BEND6: variants seen among roughly 807,000 people sequenced by gnomAD.
The protein encoded by BEND6 is BEN domain-containing protein 6.
Under a neutral mutation model 31.8 loss-of-function variants are expected in BEND6, and 24 were observed. The ratio of observed to expected loss-of-function variants is 0.75; its 90% CI spans 0.55 to 1.06. The LOEUF is 1.06. BEND6 is among the 50% of genes least tolerant of loss of function. BEND6 has a pLI of 0.00. For missense variants in BEND6, 294 were observed against 327.4 expected, an observed-to-expected ratio of 0.90 and a Z score of 0.79; for synonymous variants, 109 against 114.6, an observed-to-expected ratio of 0.95 and a Z score of 0.31.
chr6:56,997,628 A>G (rs762525453), intron 3 of BEND6, among the ~76,000 whole-genome samples: 1 of 152,164 alleles, frequency 6.6e-6, no homozygotes, highest in Non-Finnish European at 1.5e-5. Context: ...ATCTCGGCTC[A>G]CTGCAAGCTC....
intron 1 of BEND6, among the ~76,000 whole-genome samples, chr6:56,966,302 A>G (rs1219282546): frequency 1.3e-5 from 2 of 152,006 alleles, no homozygotes; most frequent in African/African-American, 4.8e-5. Context: ...AAGTTTCACC[A>G]TGTTGTCCAG....
intron 3 of BEND6, among the ~76,000 whole-genome samples, chr6:57,004,061 A>G (rs1827055666): frequency 1.3e-5 from 2 of 152,190 alleles, no homozygotes; most frequent in Non-Finnish European, 2.9e-5. Flanking sequence ...ACAAACCCAC[A>G]GCCAACATAA....
At chr6:56,988,043 G>A (rs1826347474) in intron 2 of BEND6, among the ~76,000 whole-genome samples, 3 of 144,450 alleles carry the variant, frequency 2.1e-5, no homozygotes, top group African/African-American at 7.7e-5. Flanking sequence ...TTGAGACAGA[G>A]TCTTGCTCTG....
chr6:56,969,810 A>G (rs1825626424), intron 1 of BEND6, among the ~76,000 whole-genome samples: 1 of 152,108 alleles, frequency 6.6e-6, no homozygotes, highest in African/African-American at 2.4e-5. Context: ...AAAATTAAAC[A>G]TAAATGCATT....
chr6:57,000,586 CA>C lies in BEND6; in HGVS notation c.298+8043del, dbSNP rs373150482. 3.4e-3 allele frequency among the ~76,000 whole-genome samples: 428 copies of C among 125,266 alleles called. 3 individuals carry two copies. In the East Asian group the frequency reaches 0.039, roughly 11 times the overall value. 82.2% of individuals were successfully genotyped at this position (125,266 alleles called of 152,430 possible). A position where few individuals can be genotyped will look rare whatever the true frequency, so the allele number is the denominator to read the frequency against. ...GATCAATAAATACTAAAAAAACAAACAAAAAAAAAAAACCATAAATAACAAG... is the reference window on the plus strand; with the variant it reads ...GATCAATAAATACTAAAAAAACAAACAAAAAAAAAAACCATAAATAACAAG... On this transcript the variant is annotated intron_variant, in intron 3 of 6. Coordinates refer to ENST00000370746, the MANE Select transcript of BEND6 (RefSeq NM_152731.3).
At chr6:56,970,317 C>G (rs1825649273) in intron 1 of BEND6, among the ~76,000 whole-genome samples, 1 of 152,080 alleles carries the variant, frequency 6.6e-6, no homozygotes, top group Non-Finnish European at 1.5e-5. Flanking sequence ...GCCTCAGCCT[C>G]CCCAGTAGCT....
intron 3 of BEND6, among the ~76,000 whole-genome samples, chr6:57,003,909 A>G (rs1827047149): frequency 6.6e-6 from 1 of 152,222 alleles, no homozygotes; most frequent in Admixed American, 6.5e-5. Flanking sequence ...TACCACATAA[A>G]CAAAATTAAA....
intron 6 of BEND6, among the ~76,000 whole-genome samples, chr6:57,022,708 T>C (rs1160723258): frequency 1.3e-5 from 2 of 151,882 alleles, no homozygotes; most frequent in Non-Finnish European, 2.9e-5. Flanking sequence ...TCTAGTTCTT[T>C]GAGGTACACC....
intron 1 of BEND6, among the ~76,000 whole-genome samples, chr6:56,967,881 C>T (rs1036788062): frequency 2.6e-5 from 4 of 152,232 alleles, no homozygotes; most frequent in African/African-American, 7.2e-5. Context: ...CCACCGTGGA[C>T]CTCAGCTCCC....
rs1010073324 is a variant in BEND6 at position 56,955,210 on chromosome 6, C to T, written c.-351C>T. On this transcript the variant is annotated 5_prime_UTR_variant, in exon 1 of 7. Transcript: ENST00000370746. ...CGGGCCTGAGAGCCCAGCGCCCTCC[C>T]GCGGGGCCGCCCGCCAGTCCGCGCC... 1.3e-5 allele frequency: 2 copies of T among 151,604 alleles called. No homozygotes were observed. Among genetic ancestry groups the T allele is most frequent in the Non-Finnish European group, 2.9e-5 (2 of 67,842 alleles). The allele number at this position is 151,604 out of a possible 1,614,324, so 9.4% of individuals were successfully genotyped here.
intron 1 of BEND6, among the ~76,000 whole-genome samples, chr6:56,963,903 ATAT>A (rs1342021546): frequency 3.4e-5 from 5 of 147,878 alleles, no homozygotes; most frequent in East Asian, 1.9e-4. Context: ...TATAATTACA[ATAT>A]TAATAATATA....
intron 1 of BEND6, among the ~76,000 whole-genome samples, chr6:56,972,287 GTTTCCCCAC>G (rs893964809): frequency 2.6e-5 from 4 of 151,724 alleles, no homozygotes; most frequent in Admixed American, 2.6e-4. Flanking sequence ...TAGAAATGGA[GTTTCCCCAC>G]TTTGGCCAGG....
chr6:57,004,470 C>G (rs993040378), intron 3 of BEND6: 6 of 635,078 alleles, frequency 9.4e-6, no homozygotes, highest in African/African-American at 9.0e-5. Context: ...GCCTCCTCAC[C>G]GCGCCCTGGG....
intron 1 of BEND6, among the ~76,000 whole-genome samples, chr6:56,975,431 T>A (rs1273370465): frequency 1.3e-5 from 2 of 152,152 alleles, no homozygotes; most frequent in Non-Finnish European, 2.9e-5. Context: ...TCTTTGATAT[T>A]AAGAAGAAAT....
intron 4 of BEND6, among the ~76,000 whole-genome samples, chr6:57,016,765 T>A (rs923610865): frequency 1.3e-5 from 2 of 152,182 alleles, no homozygotes; most frequent in Non-Finnish European, 2.9e-5. Flanking sequence ...TCCAGGATAA[T>A]CTCCCATCTC....
intron 2 of BEND6, among the ~76,000 whole-genome samples, chr6:56,989,664 T>C (rs2127860368): frequency 6.6e-6 from 1 of 152,330 alleles, no homozygotes; most frequent in Non-Finnish European, 1.5e-5. Flanking sequence ...CTTTTTATCA[T>C]GTTGATCTTC....
chr6:57,011,731 A>AAG lies in BEND6; in HGVS notation c.299-3401_299-3400insGA, dbSNP rs1206069722. On this transcript the variant is annotated intron_variant, in intron 3 of 6. Transcript: ENST00000370746. ...GCCCTGTCTCAAAAAAAAAAAAAAAAAAAAGAAAAAAAAAGAAAAGAAAAG... is the reference window on the plus strand; with the variant it reads ...GCCCTGTCTCAAAAAAAAAAAAAAAAAGAAAAGAAAAAAAAAGAAAAGAAAAG... Among the ~76,000 whole-genome samples, 1,384 of 146,996 alleles carry AAG rather than the reference A, an allele frequency of 9.4e-3. 29 individuals carry two copies. The highest frequency in any genetic ancestry group is 0.033 in the African/African-American group (1,313 of 39,212).
At chr6:56,979,484 A>G (rs1825996622) in intron 1 of BEND6, among the ~76,000 whole-genome samples, 1 of 152,206 alleles carries the variant, frequency 6.6e-6, no homozygotes, top group African/African-American at 2.4e-5. Flanking sequence ...ATTAACATCA[A>G]TATATGCCAG....
rs368053081 is a variant in BEND6 at position 56,983,938 on chromosome 6, G to A, written c.120+2008G>A. ...ATGTCCTTTTAAGAAACTTTGTGAG[G>A]CCAGATGCAGTGGCTTACACCTATA... is the stretch of plus-strand genomic sequence containing the variant. On this transcript the variant is annotated intron_variant, in intron 2 of 6. Coordinates refer to ENST00000370746, the MANE Select transcript of BEND6 (RefSeq NM_152731.3). 1.1e-4 allele frequency among the ~76,000 whole-genome samples: 17 copies of A among 152,082 alleles called. No homozygotes were observed. The East Asian group carries it at 1.5e-3, about 14-fold the overall frequency.
Sources: allele counts gnomAD v4.1 joint callset (sites outside exome capture counted in the v4.1 genomes callset), GRCh38; gene constraint gnomAD v4.1.1; transcripts MANE v1.5; gene names NCBI Gene and HGNC (gene_info 2026-07-23, HGNC 2026-07-21).